Variants in RTN4RL1 observed in about 807,000 individuals in gnomAD.
RTN4RL1 encodes reticulon-4 receptor-like 1.
Under a neutral mutation model 25.6 loss-of-function variants are expected in RTN4RL1, and 7 were observed. That is an observed-to-expected ratio of 0.27 (90% CI 0.16 to 0.51). The LOEUF is 0.51. RTN4RL1 is among the 20% of genes least tolerant of loss of function. The probability of loss-of-function intolerance (pLI) is 0.97; values close to 1 mark genes in which losing one functional copy is unlikely to be tolerated. For synonymous variants in RTN4RL1, 297 were observed against 288.2 expected (o/e 1.03, Z -0.31); for missense variants, 500 against 615.6 (o/e 0.81, Z 1.99).
chr17:1,958,051 G>A (rs1051878668), intron 1 of RTN4RL1, among the ~76,000 whole-genome samples: 1 of 151,674 alleles, frequency 6.6e-6, no homozygotes, highest in Non-Finnish European at 1.5e-5. Context: ...AAATTAGCCC[G>A]GCATGTCAGG....
Position 1,936,034 on chromosome 17 carries a change from G to A in RTN4RL1, c.*462C>T, listed in dbSNP as rs150217980. The A allele has an allele frequency of 2.6e-5, 26 of 990,272 alleles. No homozygotes were observed. In the East Asian group the frequency reaches 5.6e-4, roughly 21 times the overall value. 61.3% of individuals were successfully genotyped at this position (990,272 alleles called of 1,614,324 possible). A position where few individuals can be genotyped will look rare whatever the true frequency, so the allele number is the denominator to read the frequency against. On this transcript the variant is annotated 3_prime_UTR_variant, in exon 2 of 2. Transcript: ENST00000331238. ...GCAAGAGCCAAGATGCCACCTGCTCGTGTGTGCCCAGACTGCTGGCCACCC... is the reference window on the plus strand; with the variant it reads ...GCAAGAGCCAAGATGCCACCTGCTCATGTGTGCCCAGACTGCTGGCCACCC...
rs1004463875 is a variant in RTN4RL1, at chr17:1,998,628, C to A, written c.13+26225G>T. 6.6e-6 allele frequency among the ~76,000 whole-genome samples: 1 copy of A among 152,174 alleles called. No homozygotes were observed. Among genetic ancestry groups the A allele is most frequent in the East Asian group, 1.9e-4 (1 of 5,150 alleles). On this transcript the variant is annotated intron_variant, in intron 1 of 1. Coordinates refer to ENST00000331238, the MANE Select transcript of RTN4RL1 (RefSeq NM_178568.4). The surrounding 1 kb of genome is among the most constrained non-coding windows in gnomAD (Gnocchi z 4.9). ...TGGGGGACGTGGGGCCGGCTCGCCT[C>A]CTCCTGGGCTCGCCGGGATGTGGCC... is the stretch of plus-strand genomic sequence containing the variant.
chr17:1,951,423 G>A (rs1014365500), intron 1 of RTN4RL1, among the ~76,000 whole-genome samples: 1 of 152,048 alleles, frequency 6.6e-6, no homozygotes, highest in Non-Finnish European at 1.5e-5. Context: ...TGGCTTTACC[G>A]AAGCCACAAA....
intron 1 of RTN4RL1, chr17:2,017,693 ACACACACACACACG>A (rs1255378702): frequency 7.2e-6 from 1 of 138,620 alleles, no homozygotes; most frequent in Non-Finnish European, 1.6e-5. Context: ...ACACACACAC[ACACACACACACACG>A]CACACACACT....
At chr17:2,020,965 C>T (rs2067193338) in intron 1 of RTN4RL1, among the ~76,000 whole-genome samples, 1 of 152,218 alleles carries the variant, frequency 6.6e-6, no homozygotes, top group African/African-American at 2.4e-5. Flanking sequence ...TGGGGCCTCG[C>T]TTGCCCTGCT....
In RTN4RL1 at chr17:1,935,673, A is replaced by T. The variant is rs1170677130; in HGVS notation, c.*823T>A. Reference sequence around the variant, plus strand: ...AGTTTATAAACATGAAAAGACGTACAGTTAGGTAACGGAGTGGGAGGGGGA... The same window carrying T: ...AGTTTATAAACATGAAAAGACGTACTGTTAGGTAACGGAGTGGGAGGGGGA... On this transcript the variant is annotated 3_prime_UTR_variant, in exon 2 of 2. Transcript: ENST00000331238. 8.2e-6 allele frequency: 8 copies of T among 970,656 alleles called. No homozygotes were observed. Among genetic ancestry groups the T allele is most frequent in the Non-Finnish European group, 9.7e-6 (8 of 820,538 alleles). The allele number at this position is 970,656 out of a possible 1,614,324, so 60.1% of individuals were successfully genotyped here.
intron 1 of RTN4RL1, among the ~76,000 whole-genome samples, chr17:2,012,876 TTCCACC>T (rs1179489971): frequency 2.0e-5 from 3 of 151,946 alleles, no homozygotes; most frequent in Non-Finnish European, 4.4e-5. Flanking sequence ...TCACCGCAAC[TTCCACC>T]TCCTGTGTTC....
chr17:2,022,136 A>G lies in RTN4RL1; in HGVS notation c.13+2717T>C, dbSNP rs552009430. Among the ~76,000 whole-genome samples the G allele has an allele frequency of 1.1e-4, 16 of 151,864 alleles. No individual in the cohort carries two copies. In the South Asian group the frequency reaches 3.1e-3, roughly 30 times the overall value. On this transcript the variant is annotated intron_variant, in intron 1 of 1. Transcript: ENST00000331238. ...TTGAGACCAGCCTGGCCAACATGGC[A>G]AAACCCCATCTCTACTAAAAATACA... is the stretch of plus-strand genomic sequence containing the variant.
chr17:2,007,014 C>T (rs1218343199), intron 1 of RTN4RL1, among the ~76,000 whole-genome samples: 9 of 152,154 alleles, frequency 5.9e-5, no homozygotes, highest in Admixed American at 3.9e-4. Flanking sequence ...TGTTACCCAC[C>T]GTGCTCTACG....
Position 1,976,493 on chromosome 17 carries a change from A to G in RTN4RL1, c.14-38685T>C, listed in dbSNP as rs1232728854. ...GAGGTTTAAGTAGTGTTGGTGCTGC[A>G]GAAGGAAACGGGACCCACATCCTGG... is the stretch of plus-strand genomic sequence containing the variant. On this transcript the variant is annotated intron_variant, in intron 1 of 1. Transcript: ENST00000331238. 4.6e-5 allele frequency among the ~76,000 whole-genome samples: 7 copies of G among 152,380 alleles called. No homozygotes were observed. In the East Asian group the frequency reaches 1.2e-3, roughly 25 times the overall value.
chr17:1,952,438 G>A (rs1915705268), intron 1 of RTN4RL1, among the ~76,000 whole-genome samples: 1 of 151,350 alleles, frequency 6.6e-6, no homozygotes. Flanking sequence ...CCGGGTTCGA[G>A]TGATTCTCCT....
intron 1 of RTN4RL1, among the ~76,000 whole-genome samples, chr17:1,999,899 A>G (rs1489898833): frequency 1.3e-5 from 2 of 152,198 alleles, no homozygotes; most frequent in South Asian, 2.1e-4. Flanking sequence ...TCTAGGGCCC[A>G]GAGCAGCTGG....
chr17:1,982,872 T>G (rs2066873461), intron 1 of RTN4RL1, among the ~76,000 whole-genome samples: 1 of 152,172 alleles, frequency 6.6e-6, no homozygotes, highest in South Asian at 2.1e-4. Context: ...GGGCAGCGGC[T>G]GACAGTCACT....
In RTN4RL1 at chr17:2,001,054, CT is replaced by C. The variant is rs541156399; in HGVS notation, c.13+23798del. 1.0e-3 allele frequency among the ~76,000 whole-genome samples: 149 copies of C among 144,308 alleles called. No homozygotes were observed. In the South Asian group the frequency reaches 0.014, roughly 14 times the overall value. The allele number at this position is 144,308 out of a possible 152,430, so 94.7% of individuals were successfully genotyped here. On this transcript the variant is annotated intron_variant, in intron 1 of 1. Coordinates refer to ENST00000331238, the MANE Select transcript of RTN4RL1 (RefSeq NM_178568.4). ...TAACAATAATAATGTTTTTCATTTACTTTTTTTTTTTTTGTAGTGATGGGGT... is the reference window on the plus strand; with the variant it reads ...TAACAATAATAATGTTTTTCATTTACTTTTTTTTTTTTGTAGTGATGGGGT...
intron 1 of RTN4RL1, chr17:2,017,740 G>C (rs1555522610): frequency 6.6e-6 from 1 of 152,324 alleles, no homozygotes. Flanking sequence ...CTTTTGCTGT[G>C]CCAGCACAGA....
chr17:1,981,744 C>T (rs1325394578), intron 1 of RTN4RL1, among the ~76,000 whole-genome samples: 4 of 152,218 alleles, frequency 2.6e-5, no homozygotes, highest in South Asian at 2.1e-4. Flanking sequence ...GCTCTAGAAC[C>T]CACAGTGCAG....
intron 1 of RTN4RL1, among the ~76,000 whole-genome samples, chr17:2,021,862 T>TTA (rs1349240615): frequency 6.8e-6 from 1 of 147,898 alleles, no homozygotes; most frequent in East Asian, 2.0e-4. Context: ...GTCTTTTTTT[T>TTA]TTTTTTTTTT....
chr17:1,955,392 A>C (rs1247294323), intron 1 of RTN4RL1, among the ~76,000 whole-genome samples: 1 of 151,738 alleles, frequency 6.6e-6, no homozygotes, highest in Non-Finnish European at 1.5e-5. Context: ...CCATCTCTAT[A>C]AAACATTTTA....
At chr17:1,990,719 T>A (rs1258177940) in intron 1 of RTN4RL1, among the ~76,000 whole-genome samples, 1 of 152,082 alleles carries the variant, frequency 6.6e-6, no homozygotes, top group East Asian at 1.9e-4. Context: ...AAACTTACTG[T>A]AATACAATCA....
Sources: gnomAD v4.1 joint callset for allele counts (sites outside exome capture counted in the v4.1 genomes callset) on GRCh38, gnomAD v4.1.1 for gene constraint, Gnocchi (gnomAD v3.1) non-coding constraint, MANE v1.5 for transcripts, NCBI Gene and HGNC (gene_info 2026-07-23, HGNC 2026-07-21) for gene names.